TSPAN12: variants seen among roughly 807,000 people sequenced by gnomAD.
TSPAN12 encodes tetraspanin-12.
A neutral mutation model predicts 39.2 loss-of-function variants in TSPAN12; 19 were observed. The observed-to-expected ratio is 0.49, with a 90% CI of 0.34 to 0.71. TSPAN12 has a LOEUF of 0.71. Among genes scored for constraint, TSPAN12 ranks in the 30% least tolerant of loss-of-function variants. TSPAN12 has a pLI of 0.01. For synonymous variants in TSPAN12, 119 were observed against 124.8 expected, an observed-to-expected ratio of 0.95 and a Z score of 0.31; for missense variants, 314 against 359.9, an observed-to-expected ratio of 0.87 and a Z score of 1.03.
chr7:120,816,136 A>G (rs1794077112), intron 4 of TSPAN12, among the ~76,000 whole-genome samples: 1 of 152,194 alleles, frequency 6.6e-6, no homozygotes, highest in Non-Finnish European at 1.5e-5. Flanking sequence ...AATTCCTTTC[A>G]AAGTGGACGA....
chr7:120,810,228 G>A (rs1178508780), intron 6 of TSPAN12, among the ~76,000 whole-genome samples: 1 of 152,100 alleles, frequency 6.6e-6, no homozygotes, highest in African/African-American at 2.4e-5. Flanking sequence ...CTTTTCAGAT[G>A]TTCTTAAATA....
At chr7:120,792,852 TA>T (rs1292634809) in intron 7 of TSPAN12, among the ~76,000 whole-genome samples, 1 of 152,214 alleles carries the variant, frequency 6.6e-6, no homozygotes, top group African/African-American at 2.4e-5. Context: ...GAAAAACAGT[TA>T]TAAGACATGC....
At chr7:120,851,242 G>A (rs1382779748) in intron 2 of TSPAN12, among the ~76,000 whole-genome samples, 3 of 152,074 alleles carry the variant, frequency 2.0e-5, no homozygotes, top group African/African-American at 2.4e-5. Flanking sequence ...GGTTCACTAC[G>A]GATGGCCAGA....
At position 120,840,116 on chromosome 7, in the gene TSPAN12, A is replaced by G. The variant is rs1024615484; in HGVS notation, c.67-7T>C. The G allele has an allele frequency of 3.1e-6, 5 of 1,608,600 alleles. No individual in the cohort carries two copies. The highest frequency in any genetic ancestry group is 4.3e-6 in the Non-Finnish European group (5 of 1,175,208). On this transcript the variant is annotated splice_polypyrimidine_tract_variant and splice_region_variant and intron_variant, in intron 2 of 7. Transcript: ENST00000222747. Reference sequence around the variant, plus strand: ...ACACACTGATGGACATTAACTGGGGAGAAAAAAGTACAAACCGGTTACCAA... The same window carrying G: ...ACACACTGATGGACATTAACTGGGGGGAAAAAAGTACAAACCGGTTACCAA...
At chr7:120,846,631 C>T (rs895864380) in intron 2 of TSPAN12, among the ~76,000 whole-genome samples, 1 of 151,968 alleles carries the variant, frequency 6.6e-6, no homozygotes, top group African/African-American at 2.4e-5. Context: ...ATATTGGTCA[C>T]CCACTCTTTG....
intron 2 of TSPAN12, among the ~76,000 whole-genome samples, chr7:120,851,493 A>C (rs907809620): frequency 6.6e-6 from 1 of 152,206 alleles, no homozygotes; most frequent in African/African-American, 2.4e-5. Context: ...ATTAGAAACA[A>C]ACACATATTT....
At chr7:120,824,210 A>G (rs1794240124) in intron 4 of TSPAN12, among the ~76,000 whole-genome samples, 1 of 151,902 alleles carries the variant, frequency 6.6e-6, no homozygotes, top group Non-Finnish European at 1.5e-5. Context: ...AAGTGGGCAG[A>G]TCACAAGGTC....
intron 5 of TSPAN12, chr7:120,814,268 T>A (rs775985436): frequency 2.2e-6 from 1 of 456,530 alleles, no homozygotes; most frequent in Non-Finnish European, 4.4e-6. Context: ...GACAATATAA[T>A]CTTTCTCTCT....
intron 4 of TSPAN12, among the ~76,000 whole-genome samples, chr7:120,819,021 C>T (rs1297291958): frequency 6.6e-6 from 1 of 152,052 alleles, no homozygotes; most frequent in Non-Finnish European, 1.5e-5. Flanking sequence ...TACTGGATCA[C>T]TTTTCTAATC....
intron 4 of TSPAN12, among the ~76,000 whole-genome samples, chr7:120,825,960 G>A (rs1001091198): frequency 1.3e-5 from 2 of 152,092 alleles, no homozygotes; most frequent in African/African-American, 4.8e-5. Flanking sequence ...AAATAAATTA[G>A]AACTATAGAC....
intron 7 of TSPAN12, among the ~76,000 whole-genome samples, chr7:120,793,498 T>C (rs979134294): frequency 4.6e-5 from 7 of 152,226 alleles, no homozygotes; most frequent in African/African-American, 1.4e-4. Flanking sequence ...CCTCCATTTA[T>C]ATAGCAAAAT....
intron 7 of TSPAN12, among the ~76,000 whole-genome samples, chr7:120,797,920 T>G (rs910988869): frequency 1.3e-5 from 2 of 152,212 alleles, no homozygotes; most frequent in Non-Finnish European, 2.9e-5. Flanking sequence ...TTTCCCCACC[T>G]CAACTCATTC....
At chr7:120,854,142 G>A (rs1584957250) in intron 2 of TSPAN12, among the ~76,000 whole-genome samples, 1 of 152,096 alleles carries the variant, frequency 6.6e-6, no homozygotes, top group East Asian at 1.9e-4. Context: ...TTTCAGATTG[G>A]CAAAGATTTA....
upstream of TSPAN12, chr7:120,858,182 G>A (rs1421432398): frequency 1.3e-5 from 2 of 152,250 alleles, no homozygotes; most frequent in African/African-American, 4.8e-5. Context: ...GGGTCCTAGT[G>A]GGTGTTTCTT....
At chr7:120,831,578 G>A (rs922919117) in intron 4 of TSPAN12, among the ~76,000 whole-genome samples, 15 of 152,004 alleles carry the variant, frequency 9.9e-5, no homozygotes, top group Non-Finnish European at 1.9e-4. Context: ...TCAGTTATAT[G>A]TGGAACCTAA....
chr7:120,797,238 A>AAT (rs1793651089), intron 7 of TSPAN12, among the ~76,000 whole-genome samples: 1 of 152,356 alleles, frequency 6.6e-6, no homozygotes, highest in Middle Eastern at 3.4e-3. Context: ...AGTTCCTGCC[A>AAT]ATAAAATCTG....
At chr7:120,805,138 G>A (rs1289473698) in intron 7 of TSPAN12, among the ~76,000 whole-genome samples, 1 of 151,870 alleles carries the variant, frequency 6.6e-6, no homozygotes, top group Non-Finnish European at 1.5e-5. Context: ...CTCTCCTTTG[G>A]GGCATGCCTT....
intron 7 of TSPAN12, among the ~76,000 whole-genome samples, chr7:120,796,544 G>A (rs906601726): frequency 6.6e-5 from 10 of 152,114 alleles, no homozygotes; most frequent in African/African-American, 2.4e-4. Context: ...GTATATTACA[G>A]TGATGTGGGT....
At chr7:120,791,661 T>C (rs1266380024) in intron 7 of TSPAN12, among the ~76,000 whole-genome samples, 1 of 152,168 alleles carries the variant, frequency 6.6e-6, no homozygotes, top group African/African-American at 2.4e-5. Flanking sequence ...AATCTGTGAA[T>C]AAAACAAGGC....
Sources: gnomAD v4.1 joint callset for allele counts (sites outside exome capture counted in the v4.1 genomes callset) on GRCh38, gnomAD v4.1.1 for gene constraint, MANE v1.5 for transcripts, NCBI Gene and HGNC (gene_info 2026-07-23, HGNC 2026-07-21) for gene names.